The following TENM1 variants were observed in gnomAD, a reference collection of about 807,000 sequenced individuals.
TENM1 encodes teneurin transmembrane protein 1.
A neutral mutation model predicts 174.8 loss-of-function variants in TENM1; 35 were observed. The ratio of observed to expected loss-of-function variants is 0.20; its 90% CI spans 0.15 to 0.27. The LOEUF is 0.27. Among genes scored for constraint, TENM1 ranks in the 10% least tolerant of loss-of-function variants. The pLI, the probability that TENM1 is intolerant of heterozygous loss-of-function variation, is 1.00. For missense variants in TENM1, 1,633 were observed against 2,130.1 expected (o/e 0.77, Z 4.59); for synonymous variants, 781 against 798.7 (o/e 0.98, Z 0.37).
the TENM1 span, among the ~76,000 whole-genome samples, chrX:125,160,256 G>C: frequency 9.4e-6 from 1 of 106,702 alleles, no homozygotes. Flanking sequence ...AGGCATGGTG[G>C]CTCATGCCTG....
Position 124,413,561 on chromosome X carries a change from C to T in TENM1, c.4982+6750G>A, listed in dbSNP as rs1416692567. Reference sequence around the variant, plus strand: ...TATGGAGTTCAGCGGAACTTCCCTACCAGCTTCTGTTACTTCTGTTCACTC... The same window carrying T: ...TATGGAGTTCAGCGGAACTTCCCTATCAGCTTCTGTTACTTCTGTTCACTC... On this transcript the variant is annotated intron_variant, in intron 25 of 31. Transcript: ENST00000422452. Among the ~76,000 whole-genome samples, 4 of 112,004 alleles carry T rather than the reference C, an allele frequency of 3.6e-5. No homozygotes were observed. In the Admixed American group the frequency reaches 3.8e-4, roughly 11 times the overall value.
intron 3 of TENM1, among the ~76,000 whole-genome samples, chrX:124,834,109 C>T (rs1156270937): frequency 6.3e-5 from 7 of 111,354 alleles, no homozygotes; most frequent in African/African-American, 2.0e-4. Flanking sequence ...CCAATATATT[C>T]GTATTCCTGG....
chrX:124,905,259 C>G (rs1229873467), intron 1 of TENM1, among the ~76,000 whole-genome samples: 1 of 110,691 alleles, frequency 9.0e-6, no homozygotes, highest in African/African-American at 3.3e-5. Context: ...GAGGCTGCAC[C>G]ACTGTTACTC....
intron 15 of TENM1, among the ~76,000 whole-genome samples, chrX:124,538,714 A>G (rs1325299262): frequency 8.9e-6 from 1 of 111,960 alleles, no homozygotes; most frequent in Non-Finnish European, 1.9e-5. Flanking sequence ...TTTGTACCTC[A>G]GTGAAATTAC....
intron 5 of TENM1, among the ~76,000 whole-genome samples, chrX:124,693,597 T>C (rs776893838): frequency 7.2e-5 from 8 of 111,651 alleles, no homozygotes; most frequent in African/African-American, 2.6e-4. Context: ...CTTCAATTTA[T>C]TCCCTGAGTT....
chrX:124,507,960 A>C (rs2047490047), intron 18 of TENM1, among the ~76,000 whole-genome samples: 1 of 112,527 alleles, frequency 8.9e-6, no homozygotes, highest in South Asian at 3.7e-4. Flanking sequence ...CATGATATTT[A>C]AAAGGTACCT....
chrX:125,054,455 C>T, the TENM1 span, among the ~76,000 whole-genome samples: 24 of 110,617 alleles, frequency 2.2e-4, no homozygotes, highest in African/African-American at 7.2e-4. Context: ...TGCTCCAAGG[C>T]AAATATTGTC....
At chrX:125,040,687 G>T in the TENM1 span, among the ~76,000 whole-genome samples, 1 of 110,961 alleles carries the variant, frequency 9.0e-6, no homozygotes, top group Non-Finnish European at 1.9e-5. Flanking sequence ...TGATTAATTA[G>T]ATTCCATTTG....
chrX:124,862,709 C>T lies in TENM1; in HGVS notation c.535+31587G>A, dbSNP rs192450282. Among the ~76,000 whole-genome samples the T allele has an allele frequency of 3.6e-5, 4 of 110,435 alleles. No homozygotes were observed. The East Asian group carries it at 1.2e-3, about 32-fold the overall frequency. On this transcript the variant is annotated intron_variant, in intron 3 of 31. Transcript: ENST00000422452. The stretch of plus-strand genomic sequence containing the variant: ...ACAATCTAGGCCATAAGGACTGCAA[C>T]TCTTAGTTGAGTCCTAGTGCTGAAG...
chrX:124,381,728 A>G (rs928744673), intron 31 of TENM1, among the ~76,000 whole-genome samples: 5 of 111,989 alleles, frequency 4.5e-5, no homozygotes, highest in African/African-American at 1.6e-4. Flanking sequence ...TTAAGACCTT[A>G]TAATTAACTA....
At chrX:124,425,921 T>G (rs1490625209) in intron 23 of TENM1, among the ~76,000 whole-genome samples, 1 of 110,513 alleles carries the variant, frequency 9.0e-6, no homozygotes, top group Non-Finnish European at 1.9e-5. Flanking sequence ...GTGCCTGAAC[T>G]GGGATGGCAA....
exon 6 of TENM1, chrX:124,671,778 G>A: frequency 8.3e-7 from 1 of 1,209,983 alleles, no homozygotes; most frequent in Non-Finnish European, 1.1e-6. Flanking sequence ...AACTCCATTT[G>A]CATACAGCTC....
chrX:124,643,392 T>C (rs2051067811), intron 10 of TENM1, among the ~76,000 whole-genome samples: 1 of 110,969 alleles, frequency 9.0e-6, no homozygotes, highest in Non-Finnish European at 1.9e-5. Flanking sequence ...AAGGGTGTGT[T>C]GGGAGCAAAC....
At chrX:124,654,539 G>A (rs1183366213) in intron 6 of TENM1, among the ~76,000 whole-genome samples, 2 of 111,819 alleles carry the variant, frequency 1.8e-5, no homozygotes, top group African/African-American at 6.5e-5. Context: ...GATTTCAAAA[G>A]AGTTATTGGG....
chrX:124,406,167 G>T, intron 26 of TENM1, 150 bp downstream of exon 29: 1 of 468,012 alleles, frequency 2.1e-6, no homozygotes, highest in Non-Finnish European at 3.5e-6. Context: ...TGTGAATTTT[G>T]TCTGTGTTTC....
At chrX:125,034,677 T>C in the TENM1 span, among the ~76,000 whole-genome samples, 1 of 112,240 alleles carries the variant, frequency 8.9e-6, no homozygotes, top group Non-Finnish European at 1.9e-5. Flanking sequence ...AATATACAAA[T>C]GTTAACTTCA....
At chrX:124,602,684 C>T (rs770064612) in intron 11 of TENM1, among the ~76,000 whole-genome samples, 6 of 109,865 alleles carry the variant, frequency 5.5e-5, no homozygotes, top group African/African-American at 2.0e-4. Flanking sequence ...TGAAGAGAAA[C>T]TTTGCTATTT....
chrX:125,045,960 C>A, the TENM1 span, among the ~76,000 whole-genome samples: 1 of 111,531 alleles, frequency 9.0e-6, no homozygotes, highest in Non-Finnish European at 1.9e-5. Flanking sequence ...TCTTTTTTTT[C>A]TCTTGAAGAA....
At chrX:124,685,828 G>T (rs2052350507) in intron 5 of TENM1, among the ~76,000 whole-genome samples, 1 of 111,515 alleles carries the variant, frequency 9.0e-6, no homozygotes, top group South Asian at 3.7e-4. Flanking sequence ...CAAAGTACTG[G>T]GATTACAGGC....
Sources: allele counts gnomAD v4.1 joint callset (sites outside exome capture counted in the v4.1 genomes callset), GRCh38; gene constraint gnomAD v4.1.1; transcripts MANE v1.5; gene names NCBI Gene and HGNC (gene_info 2026-07-23, HGNC 2026-07-21).